SDCCAG8: variants seen among roughly 807,000 people sequenced by gnomAD.
SDCCAG8 encodes the protein SHH signaling and ciliogenesis regulator SDCCAG8, also known as serologically defined colon cancer antigen 8.
SDCCAG8 carries 74 observed loss-of-function variants against 101.8 expected under a neutral mutation model. That is an observed-to-expected ratio of 0.73 (90% CI 0.60 to 0.88). The LOEUF (loss-of-function observed/expected upper bound fraction) is 0.88. Among genes scored for constraint, SDCCAG8 ranks in the 40% least tolerant of loss-of-function variants. The pLI, the probability that SDCCAG8 is intolerant of heterozygous loss-of-function variation, is 0.00. For missense variants in SDCCAG8, 787 were observed against 822.6 expected, an observed-to-expected ratio of 0.96 and a Z score of 0.53; for synonymous variants, 281 against 292.9, an observed-to-expected ratio of 0.96 and a Z score of 0.41.
chr1:243,343,121 C>T (rs2075481109), intron 11 of SDCCAG8, among the ~76,000 whole-genome samples: 1 of 152,088 alleles, frequency 6.6e-6, no homozygotes, highest in Non-Finnish European at 1.5e-5. Context: ...GCTACCATAC[C>T]CAGCTTAAAT....
At chr1:243,379,139 C>T (rs1208615896) in intron 13 of SDCCAG8, among the ~76,000 whole-genome samples, 2 of 152,114 alleles carry the variant, frequency 1.3e-5, no homozygotes, top group Non-Finnish European at 2.9e-5. Context: ...CATATTTCTC[C>T]TACCACCACT....
intron 13 of SDCCAG8, among the ~76,000 whole-genome samples, chr1:243,408,272 A>G (rs2079927461): frequency 6.6e-6 from 1 of 152,210 alleles, no homozygotes. Flanking sequence ...GGGATAAATT[A>G]GTGAGCAAAA....
intron 5 of SDCCAG8, among the ~76,000 whole-genome samples, chr1:243,290,863 G>C (rs751879653): frequency 1.3e-5 from 2 of 152,090 alleles, no homozygotes; most frequent in Non-Finnish European, 2.9e-5. Flanking sequence ...CTTTGGCCTA[G>C]CACTCACATT....
intron 1 of SDCCAG8, among the ~76,000 whole-genome samples, chr1:243,266,816 G>A (rs1026591007): frequency 6.7e-6 from 1 of 149,236 alleles, no homozygotes; most frequent in African/African-American, 2.5e-5. Flanking sequence ...TGTGGCACAT[G>A]CCTGCAATCC....
intron 6 of SDCCAG8, among the ~76,000 whole-genome samples, chr1:243,299,047 A>AT (rs1353564081): frequency 6.6e-6 from 1 of 152,230 alleles, no homozygotes; most frequent in Non-Finnish European, 1.5e-5. Context: ...TGTAAACTGC[A>AT]TATCAGTCCA....
intron 10 of SDCCAG8, among the ~76,000 whole-genome samples, chr1:243,339,960 A>T (rs1312493223): frequency 2.0e-5 from 3 of 152,226 alleles, no homozygotes; most frequent in Non-Finnish European, 4.4e-5. Flanking sequence ...ACAGTATGAC[A>T]TTAAGAGCCT....
intron 12 of SDCCAG8, among the ~76,000 whole-genome samples, chr1:243,372,321 T>A (rs1341804794): frequency 6.6e-6 from 1 of 152,090 alleles, no homozygotes; most frequent in Non-Finnish European, 1.5e-5. Context: ...CCCATTCTCA[T>A]CTTCTGTTAC....
In SDCCAG8 at chr1:243,271,020, A is replaced by G. The variant is rs770685116; in HGVS notation, c.263A>G (p.Glu88Gly). 1.1e-5 allele frequency: 17 copies of G among 1,613,690 alleles called. No individual in the cohort carries two copies. Among genetic ancestry groups the G allele is most frequent in the Non-Finnish European group, 1.4e-5 (17 of 1,179,720 alleles). The change falls in exon 3 of 18, where the codon GAA (glutamate) becomes GGA (glycine). Residue 88 changes from glutamate (E) to glycine (G), a missense_variant. Coordinates refer to ENST00000366541, the MANE Select transcript of SDCCAG8 (RefSeq NM_006642.5). ...KDLLRQQADKESEVSPSRRRK... is the reference protein window; with the variant it reads ...KDLLRQQADKGSEVSPSRRRK... ...TTGTTGCGCCAACAAGCAGATAAGG[A>G]AAGTGAAGTATCTCCGTCAAGAAGA...
In SDCCAG8 at chr1:243,420,037, A is replaced by G. The variant is rs576240537; in HGVS notation, c.1853+1961A>G. Among the ~76,000 whole-genome samples, 15 of 152,360 alleles carry G rather than the reference A, an allele frequency of 9.8e-5. 1 individual carries two copies. In the South Asian group the frequency reaches 2.7e-3, roughly 27 times the overall value. On this transcript the variant is annotated intron_variant, in intron 15 of 17. Coordinates refer to ENST00000366541, the MANE Select transcript of SDCCAG8 (RefSeq NM_006642.5). ...GATGGCATTTAATGAATAAATGATGAATGAATGAAACAAATAGGTGTGGTG... is the reference window on the plus strand; with the variant it reads ...GATGGCATTTAATGAATAAATGATGGATGAATGAAACAAATAGGTGTGGTG...
intron 13 of SDCCAG8, among the ~76,000 whole-genome samples, chr1:243,381,033 T>C (rs1193223878): frequency 1.3e-5 from 2 of 152,130 alleles, no homozygotes; most frequent in Non-Finnish European, 2.9e-5. Context: ...TGTGTCGTTC[T>C]TTTTCAGTGT....
At chr1:243,359,622 C>T (rs1041758409) in intron 12 of SDCCAG8, among the ~76,000 whole-genome samples, 1 of 152,122 alleles carries the variant, frequency 6.6e-6, no homozygotes, top group East Asian at 1.9e-4. Context: ...CAGAGCCCCA[C>T]AAAACTGAAA....
intron 15 of SDCCAG8, among the ~76,000 whole-genome samples, chr1:243,418,382 T>A (rs1026922293): frequency 2.0e-5 from 3 of 152,190 alleles, no homozygotes; most frequent in Non-Finnish European, 4.4e-5. Context: ...ATCAAGCAGT[T>A]ATAAAATCTT....
At chr1:243,451,669 A>T (rs2083366031) in intron 16 of SDCCAG8, among the ~76,000 whole-genome samples, 1 of 152,202 alleles carries the variant, frequency 6.6e-6, no homozygotes, top group Admixed American at 6.5e-5. Context: ...TCATGCCTGT[A>T]ATCCCAGCAC....
At chr1:243,327,200 T>C (rs1024050631) in intron 9 of SDCCAG8, among the ~76,000 whole-genome samples, 2 of 151,956 alleles carry the variant, frequency 1.3e-5, no homozygotes, top group African/African-American at 4.8e-5. Flanking sequence ...AAATTAACTT[T>C]GTCACCTATA....
At chr1:243,426,670 T>A in intron 16 of SDCCAG8, 112 bp downstream of exon 16, 1 of 1,297,204 alleles carries the variant, frequency 7.7e-7, no homozygotes. Context: ...ATGCTACTTG[T>A]GACATGCTCA....
intron 4 of SDCCAG8, among the ~76,000 whole-genome samples, chr1:243,281,482 T>A (rs924984073): frequency 2.0e-5 from 3 of 151,924 alleles, no homozygotes; most frequent in African/African-American, 4.8e-5. Context: ...TTCTTTTTTT[T>A]AACCATTCTG....
chr1:243,338,243 A>G (rs979768328), intron 10 of SDCCAG8, among the ~76,000 whole-genome samples: 4 of 152,156 alleles, frequency 2.6e-5, no homozygotes, highest in Non-Finnish European at 4.4e-5. Flanking sequence ...GAGAGAATGC[A>G]TATCACACTG....
At chr1:243,333,958 A>G (rs948533590) in intron 10 of SDCCAG8, among the ~76,000 whole-genome samples, 1 of 152,140 alleles carries the variant, frequency 6.6e-6, no homozygotes, top group African/African-American at 2.4e-5. Flanking sequence ...GACTAAAGCT[A>G]TTTGATTTCT....
intron 16 of SDCCAG8, among the ~76,000 whole-genome samples, chr1:243,461,993 C>T (rs1659214422): frequency 6.6e-6 from 1 of 152,144 alleles, no homozygotes; most frequent in African/African-American, 2.4e-5. Context: ...ATAAGAGGTA[C>T]TTGGACTTCA....
Sources: gnomAD v4.1 joint callset for allele counts (sites outside exome capture counted in the v4.1 genomes callset) on GRCh38, gnomAD v4.1.1 for gene constraint, MANE v1.5 for transcripts, NCBI Gene and HGNC (gene_info 2026-07-23, HGNC 2026-07-21) for gene names.